The following CSMD1 variants were observed in gnomAD, a reference collection of about 807,000 sequenced individuals.
The protein encoded by CSMD1 is CUB and sushi domain-containing protein 1.
In CSMD1, 213 loss-of-function variants were observed where a neutral mutation model predicts 417.5. That is an observed-to-expected ratio of 0.51 (90% confidence interval 0.46 to 0.57). The LOEUF (loss-of-function observed/expected upper bound fraction) is 0.57. Ranked by LOEUF, CSMD1 falls within the 20% of genes least tolerant of loss-of-function variation. The probability of loss-of-function intolerance (pLI) is 0.00; values close to 1 mark genes in which losing one functional copy is unlikely to be tolerated. For missense variants in CSMD1, 6,923 were observed against 4,529.7 expected, an observed-to-expected ratio of 1.53 and a Z score of -15.17; for synonymous variants, 2,862 against 1,736.8, an observed-to-expected ratio of 1.65 and a Z score of -16.11.
chr8:2,963,894 A>C (rs1701246809), intron 59 of CSMD1, among the ~76,000 whole-genome samples: 1 of 152,170 alleles, frequency 6.6e-6, no homozygotes, highest in South Asian at 2.1e-4. Flanking sequence ...TGAATGGTTA[A>C]AGAAGATGCT....
At chr8:3,992,369 G>C (rs1251387695) in intron 5 of CSMD1, among the ~76,000 whole-genome samples, 1 of 152,082 alleles carries the variant, frequency 6.6e-6, no homozygotes, top group Non-Finnish European at 1.5e-5. Context: ...CGTTAAACCA[G>C]CACAAGTTTA....
chr8:3,900,654 C>T (rs1448804378), intron 5 of CSMD1, among the ~76,000 whole-genome samples: 1 of 152,042 alleles, frequency 6.6e-6, no homozygotes, highest in Non-Finnish European at 1.5e-5. Context: ...GACACTGTAG[C>T]TGAGTGACAG....
chr8:3,213,529 T>C (rs1201147814), intron 30 of CSMD1, among the ~76,000 whole-genome samples: 2 of 152,132 alleles, frequency 1.3e-5, no homozygotes, highest in Non-Finnish European at 1.5e-5. Flanking sequence ...TTGTCTGTCC[T>C]TGAAAGCTGA....
intron 23 of CSMD1, among the ~76,000 whole-genome samples, chr8:3,314,640 C>G (rs1233010503): frequency 1.3e-5 from 2 of 152,194 alleles, no homozygotes; most frequent in Non-Finnish European, 2.9e-5. Context: ...ATACTACGAA[C>G]AAAATGTTCT....
rs550832028 is a variant in CSMD1 at position 4,633,818 on chromosome 8, C to T, written c.302+3524G>A. Among the ~76,000 whole-genome samples the T allele has an allele frequency of 9.2e-5, 14 of 152,222 alleles. No homozygotes were observed. In the South Asian group the frequency reaches 2.7e-3, roughly 29 times the overall value. ...TCAGGTGATCCACCCGCCTTAGCCTCCCAAATTGCTGGGATTACAGGCATG... is the reference window on the plus strand; with the variant it reads ...TCAGGTGATCCACCCGCCTTAGCCTTCCAAATTGCTGGGATTACAGGCATG... On this transcript the variant is annotated intron_variant, in intron 2 of 69. Transcript: ENST00000635120.
intron 8 of CSMD1, among the ~76,000 whole-genome samples, chr8:3,593,632 G>C (rs1419320934): frequency 6.6e-6 from 1 of 152,158 alleles, no homozygotes; most frequent in Non-Finnish European, 1.5e-5. Flanking sequence ...AACAGATAAA[G>C]TTTTCTGACT....
chr8:3,871,318 A>G (rs1208261475), intron 5 of CSMD1, among the ~76,000 whole-genome samples: 1 of 152,126 alleles, frequency 6.6e-6, no homozygotes, highest in African/African-American at 2.4e-5. Flanking sequence ...TAGTGTTGGA[A>G]AATCACAACA....
At chr8:4,377,546 T>C (rs1307375962) in intron 3 of CSMD1, among the ~76,000 whole-genome samples, 1 of 152,190 alleles carries the variant, frequency 6.6e-6, no homozygotes, top group African/African-American at 2.4e-5. Flanking sequence ...TACTCAAAGT[T>C]GAGTCAGTAA....
At chr8:4,200,585 G>A (rs926249959) in intron 3 of CSMD1, among the ~76,000 whole-genome samples, 1 of 151,882 alleles carries the variant, frequency 6.6e-6, no homozygotes, top group Non-Finnish European at 1.5e-5. Flanking sequence ...TGGCGGGCCT[G>A]GAGGCTCATG....
At chr8:3,549,502 T>G (rs1240345640) in intron 10 of CSMD1, among the ~76,000 whole-genome samples, 1 of 152,216 alleles carries the variant, frequency 6.6e-6, no homozygotes, top group Non-Finnish European at 1.5e-5. Context: ...AAGAATAGCT[T>G]GGGTCGTCAG....
At chr8:3,357,186 A>C (rs1358547917) in intron 21 of CSMD1, among the ~76,000 whole-genome samples, 1 of 152,186 alleles carries the variant, frequency 6.6e-6, no homozygotes, top group Non-Finnish European at 1.5e-5. Context: ...CTGGAGGAAA[A>C]ATCAGGAAAC....
At chr8:3,920,169 G>A (rs1006099760) in intron 5 of CSMD1, among the ~76,000 whole-genome samples, 5 of 152,028 alleles carry the variant, frequency 3.3e-5, no homozygotes, top group Non-Finnish European at 7.4e-5. Context: ...GAGAAGCTGG[G>A]ACTACAGGTG....
Position 3,615,926 on chromosome 8 carries a change from G to A in CSMD1, c.1097+784C>T, listed in dbSNP as rs552453020. Reference sequence around the variant, plus strand: ...ATAAGTGCAAAAATCTAAAGTAATAGGACTATTATAATCACTACTGTATTC... The same window carrying A: ...ATAAGTGCAAAAATCTAAAGTAATAAGACTATTATAATCACTACTGTATTC... On this transcript the variant is annotated intron_variant, in intron 8 of 69. Coordinates refer to ENST00000635120, the MANE Select transcript of CSMD1 (RefSeq NM_033225.6). 5.3e-4 allele frequency among the ~76,000 whole-genome samples: 80 copies of A among 152,086 alleles called. 1 individual carries two copies. Among genetic ancestry groups the A allele is most frequent in the Admixed American group, 1.8e-3 (28 of 15,262 alleles).
chr8:3,667,846 T>C (rs1228779244), intron 7 of CSMD1, among the ~76,000 whole-genome samples: 1 of 152,178 alleles, frequency 6.6e-6, no homozygotes, highest in Non-Finnish European at 1.5e-5. Flanking sequence ...GGAGTGTCTG[T>C]ATGTTTAATC....
chr8:4,119,456 G>C (rs1336048372), intron 3 of CSMD1, among the ~76,000 whole-genome samples: 3 of 152,156 alleles, frequency 2.0e-5, no homozygotes, highest in East Asian at 1.9e-4. Flanking sequence ...CTGAATATCT[G>C]TGTCAGCCCG....
chr8:4,711,318 C>A (rs189614445), intron 1 of CSMD1, among the ~76,000 whole-genome samples: 186 of 152,174 alleles, frequency 1.2e-3, no homozygotes, highest in Admixed American at 2.2e-3. Flanking sequence ...AACTGAAGGG[C>A]AAATTAAACC....
chr8:4,166,655 G>A (rs1042109222), intron 3 of CSMD1, among the ~76,000 whole-genome samples: 1 of 152,098 alleles, frequency 6.6e-6, no homozygotes, highest in South Asian at 2.1e-4. Flanking sequence ...TGGGTACCGT[G>A]TACACTGCTG....
In CSMD1 at chr8:3,223,870, G is replaced by A. The variant is rs1306198630; in HGVS notation, c.4346-3C>T. On this transcript the variant is annotated splice_polypyrimidine_tract_variant and splice_region_variant and intron_variant, in intron 27 of 69. Coordinates refer to ENST00000635120, the MANE Select transcript of CSMD1 (RefSeq NM_033225.6). ...CGTCAGATTCCCTCCACAAGCAGCT[G>A]TCACAGAACAAAAGTTACAGAGAAA... 3.7e-6 allele frequency: 6 copies of A among 1,613,576 alleles called. No homozygotes were observed. Among genetic ancestry groups the A allele is most frequent in the Non-Finnish European group, 5.1e-6 (6 of 1,179,696 alleles).
intron 3 of CSMD1, among the ~76,000 whole-genome samples, chr8:4,161,612 T>C (rs1303780688): frequency 6.6e-6 from 1 of 152,150 alleles, no homozygotes; most frequent in Non-Finnish European, 1.5e-5. Flanking sequence ...CTGTTAAAAA[T>C]CTAAATTTAA....
Sources: allele counts gnomAD v4.1 joint callset (sites outside exome capture counted in the v4.1 genomes callset), GRCh38; gene constraint gnomAD v4.1.1; transcripts MANE v1.5; gene names NCBI Gene and HGNC (gene_info 2026-07-23, HGNC 2026-07-21).